Variants in CDKAL1 observed in about 807,000 individuals in gnomAD.
The protein encoded by CDKAL1 is threonylcarbamoyladenosine tRNA methylthiotransferase.
A neutral mutation model predicts 68.2 loss-of-function variants in CDKAL1; 32 were observed. That is an observed-to-expected ratio of 0.47 (90% CI 0.35 to 0.63). The LOEUF (loss-of-function observed/expected upper bound fraction) is 0.63, where lower values mean the gene tolerates loss of function less well. CDKAL1 is among the 30% of genes least tolerant of loss of function. The pLI, the probability that CDKAL1 is intolerant of heterozygous loss-of-function variation, is 0.00. For missense variants in CDKAL1, 606 were observed against 696.7 expected, an observed-to-expected ratio of 0.87 and a Z score of 1.47; for synonymous variants, 234 against 244.3, an observed-to-expected ratio of 0.96 and a Z score of 0.39.
At chr6:20,760,879 T>A (rs1421227207) in intron 7 of CDKAL1, among the ~76,000 whole-genome samples, 1 of 152,200 alleles carries the variant, frequency 6.6e-6, no homozygotes, top group Non-Finnish European at 1.5e-5. Context: ...ATCAAAAGTA[T>A]GATTTATGAA....
chr6:20,537,812 C>T (rs562797135), intron 2 of CDKAL1, among the ~76,000 whole-genome samples: 13 of 152,212 alleles, frequency 8.5e-5, no homozygotes, highest in South Asian at 4.1e-4. Context: ...TTAGCTATTA[C>T]GCTGCTTTCC....
rs1371867851 is a variant in CDKAL1, at chr6:20,539,130, TTGAG to T, written c.-6+3740_-6+3743del. ...AAAGGCCTCTCCGAGGAGATGTTGT[TTGAG>T]TGAAGAAGTGGGTGGGAAGACATAC... is the stretch of plus-strand genomic sequence containing the variant. On this transcript the variant is annotated intron_variant, in intron 2 of 15. Transcript: ENST00000274695. This position sits in a 1 kb window ranked among gnomAD's most constrained non-coding sequence, Gnocchi z 4.3. 2.6e-5 allele frequency among the ~76,000 whole-genome samples: 4 copies of T among 152,144 alleles called. No homozygotes were observed. The highest frequency in any genetic ancestry group is 9.7e-5 in the African/African-American group (4 of 41,444).
At chr6:21,176,553 G>A (rs1024226608) in intron 13 of CDKAL1, among the ~76,000 whole-genome samples, 5 of 152,198 alleles carry the variant, frequency 3.3e-5, no homozygotes, top group Admixed American at 2.6e-4. Flanking sequence ...TATTTGCGTA[G>A]CAAGCCGCCT....
At chr6:20,738,628 A>G (rs1773306760) in intron 5 of CDKAL1, among the ~76,000 whole-genome samples, 2 of 151,944 alleles carry the variant, frequency 1.3e-5, no homozygotes, top group African/African-American at 4.8e-5. Context: ...CCTCCAGAGT[A>G]GCTAGGACTA....
intron 5 of CDKAL1, among the ~76,000 whole-genome samples, chr6:20,649,951 C>G (rs1316661845): frequency 6.6e-6 from 1 of 152,020 alleles, no homozygotes; most frequent in Non-Finnish European, 1.5e-5. Flanking sequence ...ACCACAATTT[C>G]TTTAGTCTGT....
chr6:20,632,720 C>CAAT (rs1767727803), intron 4 of CDKAL1, among the ~76,000 whole-genome samples: 1 of 152,124 alleles, frequency 6.6e-6, no homozygotes, highest in South Asian at 2.1e-4. Flanking sequence ...ATTCATTCTC[C>CAAT]AATAATAATA....
intron 4 of CDKAL1, among the ~76,000 whole-genome samples, chr6:20,636,398 T>C (rs1405610501): frequency 6.6e-6 from 1 of 152,192 alleles, no homozygotes; most frequent in African/African-American, 2.4e-5. Context: ...GTTTCTTTTT[T>C]CCTAACTAGA....
intron 9 of CDKAL1, among the ~76,000 whole-genome samples, chr6:20,858,238 G>A: frequency 6.6e-6 from 1 of 152,114 alleles, no homozygotes; most frequent in East Asian, 1.9e-4. Context: ...TACAAGCCTG[G>A]GAATGTTTAT....
chr6:21,150,696 T>C (rs1462471171), intron 13 of CDKAL1, among the ~76,000 whole-genome samples: 1 of 152,216 alleles, frequency 6.6e-6, no homozygotes. Flanking sequence ...TGAAGTCCCA[T>C]GAAATACAAC....
chr6:21,001,245 C>T (rs532439297), intron 11 of CDKAL1, among the ~76,000 whole-genome samples: 4 of 152,156 alleles, frequency 2.6e-5, no homozygotes, highest in South Asian at 2.1e-4. Flanking sequence ...TTATTTCCAT[C>T]GTCTTGTTTA....
intron 9 of CDKAL1, among the ~76,000 whole-genome samples, chr6:20,885,522 T>C (rs4272215): frequency 0.96 from 145,963 of 152,286 alleles, 69,962 homozygotes; most frequent in East Asian, 1. Context: ...GAAAAACAAC[T>C]TAAATATAAG....
chr6:20,918,464 T>C (rs1252779134), intron 9 of CDKAL1, among the ~76,000 whole-genome samples: 1 of 152,216 alleles, frequency 6.6e-6, no homozygotes, highest in East Asian at 1.9e-4. Flanking sequence ...TATGAGTTTG[T>C]GATATTTGGG....
chr6:20,735,181 T>A (rs909572689), intron 5 of CDKAL1, among the ~76,000 whole-genome samples: 22 of 152,284 alleles, frequency 1.4e-4, no homozygotes, highest in South Asian at 6.2e-4. Flanking sequence ...TCTCTTTTTT[T>A]AAAAAACTAA....
At chr6:20,864,287 T>C (rs1035128132) in intron 9 of CDKAL1, among the ~76,000 whole-genome samples, 10 of 152,142 alleles carry the variant, frequency 6.6e-5, no homozygotes, top group Non-Finnish European at 1.3e-4. Flanking sequence ...CATTTTATTG[T>C]GTTTCTAGAC....
rs185746347 is a variant in CDKAL1 at position 21,212,991 on chromosome 6, A to G, written c.1548+11717A>G. ...GGAAATTCAAAAGGCAATAAAGGCA[A>G]AGAACCATCAGCCGACTTTATCAAG... On this transcript the variant is annotated intron_variant, in intron 15 of 15. Transcript: ENST00000274695. Among the ~76,000 whole-genome samples, 545 of 152,334 alleles carry G rather than the reference A, an allele frequency of 3.6e-3. 2 individuals are homozygous for G. The highest frequency in any genetic ancestry group is 5.6e-3 in the Non-Finnish European group (379 of 68,040).
In CDKAL1 at chr6:20,805,261, T is replaced by C. The variant is rs371649013; in HGVS notation, c.638+23996T>C. Among the ~76,000 whole-genome samples the C allele has an allele frequency of 4.7e-4, 72 of 152,304 alleles. No homozygotes were observed. In the South Asian group the frequency reaches 0.014, roughly 31 times the overall value. ...ACTAAACTATAGCCATGAGTGCAACTGTCTCCTGAGTCTGTGAGTTCTTCT... is the reference window on the plus strand; with the variant it reads ...ACTAAACTATAGCCATGAGTGCAACCGTCTCCTGAGTCTGTGAGTTCTTCT... On this transcript the variant is annotated intron_variant, in intron 8 of 15. Coordinates refer to ENST00000274695, the MANE Select transcript of CDKAL1 (RefSeq NM_017774.3).
At chr6:20,872,249 G>A (rs891515805) in intron 9 of CDKAL1, among the ~76,000 whole-genome samples, 6 of 152,124 alleles carry the variant, frequency 3.9e-5, no homozygotes, top group Non-Finnish European at 8.8e-5. Context: ...CTCTGAATAA[G>A]CCTACTTTTC....
chr6:21,118,884 C>T (rs144149486), intron 13 of CDKAL1, among the ~76,000 whole-genome samples: 42 of 152,306 alleles, frequency 2.8e-4, no homozygotes, highest in African/African-American at 8.4e-4. Context: ...CTTTTAATTA[C>T]GTTGAAGTAT....
At chr6:20,944,167 A>T (rs998406955) in intron 9 of CDKAL1, among the ~76,000 whole-genome samples, 3 of 152,204 alleles carry the variant, frequency 2.0e-5, no homozygotes, top group African/African-American at 7.2e-5. Context: ...ATGCCTCCAG[A>T]TAGTAATATG....
Sources: allele counts gnomAD v4.1 joint callset (sites outside exome capture counted in the v4.1 genomes callset), GRCh38; gene constraint gnomAD v4.1.1; non-coding constraint Gnocchi (gnomAD v3.1); transcripts MANE v1.5; gene names NCBI Gene and HGNC (gene_info 2026-07-23, HGNC 2026-07-21).